INCENP: variants seen among roughly 807,000 people sequenced by gnomAD.
INCENP encodes binds and activates aurora-B and -C in vivo and in vitro.
In INCENP, 43 loss-of-function variants were observed where a neutral mutation model predicts 107.3. The ratio of observed to expected loss-of-function variants is 0.40; its 90% confidence interval spans 0.31 to 0.52. The LOEUF (loss-of-function observed/expected upper bound fraction) is 0.52, where lower values mean the gene tolerates loss of function less well. Ranked by LOEUF, INCENP falls within the 20% of genes least tolerant of loss-of-function variation. The pLI is 0.53. For synonymous variants in INCENP, 488 were observed against 494.4 expected (o/e 0.99, Z 0.17); for missense variants, 1,089 against 1,250.9 (o/e 0.87, Z 1.95).
chr11:62,130,179 T>A lies in INCENP; in HGVS notation c.652T>A (p.Ser218Thr), dbSNP rs774588060. Residue 218 changes from serine (S) to threonine (T), a missense_variant, in exon 4 of 19, where the codon TCA becomes ACA. Physicochemically the swap from Ser to Thr is moderately conservative, Grantham distance 58. Coordinates refer to ENST00000394818, the MANE Select transcript of INCENP (RefSeq NM_001040694.2). The part of the protein sequence containing the change: ...SQGIPTSDEE[S>T]TPKKSKARIL... ...GGGCATCCCGACATCAGATGAGGAA[T>A]CAACACCTAAGAAGTCGAAGGCCAG... is the stretch of plus-strand genomic sequence containing the variant. The A allele has an allele frequency of 1.2e-6, 2 of 1,613,872 alleles. No homozygotes were observed. The highest frequency in any genetic ancestry group is 1.7e-5 in the Admixed American group (1 of 60,008).
chr11:62,141,074 G>T (rs142105337), intron 10 of INCENP, 30 bp downstream of exon 10: 1 of 1,599,864 alleles, frequency 6.3e-7, no homozygotes, highest in Non-Finnish European at 8.5e-7. Flanking sequence ...GCCGGGCTTT[G>T]TGGGAGCTGG....
intron 4 of INCENP, among the ~76,000 whole-genome samples, chr11:62,134,794 G>C (rs1439605829): frequency 6.6e-6 from 1 of 152,216 alleles, no homozygotes; most frequent in African/African-American, 2.4e-5. Flanking sequence ...GCTCACACCT[G>C]TAATCCCAGC....
At chr11:62,142,796 G>A (rs895928744) in intron 11 of INCENP, among the ~76,000 whole-genome samples, 136 of 152,322 alleles carry the variant, frequency 8.9e-4, no homozygotes, top group African/African-American at 3.1e-3. Context: ...GGACTTGGCA[G>A]GTGGTCTGTT....
In INCENP at chr11:62,130,702, T is replaced by C. The variant is rs74744349; in HGVS notation, c.1063+112T>C. The C allele has an allele frequency of 0.026, 23,544 of 920,596 alleles. 512 individuals are homozygous for C. The highest frequency in any genetic ancestry group is 0.026 in the Non-Finnish European group (16,135 of 608,992). The allele number at this position is 920,596 out of a possible 1,614,324, so 57.0% of individuals were successfully genotyped here. A position where few individuals can be genotyped will look rare whatever the true frequency, so the allele number is the denominator to read the frequency against. On this transcript the variant is annotated intron_variant, in intron 4 of 18. Transcript: ENST00000394818. Reference sequence around the variant, plus strand: ...GTCCAGAGAGCTTTCTGCAGTGAGGTAGATGTTACACATCTGTGCTGTCCT... The same window carrying C: ...GTCCAGAGAGCTTTCTGCAGTGAGGCAGATGTTACACATCTGTGCTGTCCT...
intron 11 of INCENP, 22 bp from the exon 12 acceptor site, chr11:62,144,960 C>G (rs1944205791): frequency 2.2e-5 from 35 of 1,581,652 alleles, no homozygotes; most frequent in Non-Finnish European, 2.9e-5. Context: ...TGTCCCATCT[C>G]CCTCGCTCCC....
In INCENP at chr11:62,139,021, C is replaced by T. The variant is rs553036135; in HGVS notation, c.1291+16C>T. On this transcript the variant is annotated intron_variant, in intron 7 of 18. Coordinates refer to ENST00000394818, the MANE Select transcript of INCENP (RefSeq NM_001040694.2). ...GGGCAGCAAGGTGAGGCTTCCTGAC[C>T]TGCCGTGTGCAGTGCCCGGAGCCAC... The T allele has an allele frequency of 6.3e-7, 1 of 1,580,734 alleles. No homozygotes were observed. The highest frequency in any genetic ancestry group is 1.3e-5 in the African/African-American group (1 of 74,356).
chr11:62,136,558 G>A (rs1438035172), intron 4 of INCENP, among the ~76,000 whole-genome samples: 4 of 152,194 alleles, frequency 2.6e-5, no homozygotes, highest in Non-Finnish European at 4.4e-5. Flanking sequence ...GTACATGCCT[G>A]TAATTCCAGC....
At chr11:62,141,682 C>T in intron 11 of INCENP, 171 bp downstream of exon 11, 2 of 848,100 alleles carry the variant, frequency 2.4e-6, no homozygotes, top group Non-Finnish European at 2.0e-6. Context: ...AGGCGCCCAG[C>T]AGTTCTGGGC....
rs1184290855 is a variant in INCENP, at chr11:62,138,751, T to C, written c.1154T>C (p.Val385Ala). The C allele has an allele frequency of 6.2e-7, 1 of 1,614,082 alleles. No individual in the cohort carries two copies. ...QKEPPEEAEP[V>A]AAAEPEVPEN... is the part of the protein sequence containing the mutation. ...GAACCCCCCGAGGAGGCTGAGCCTG[T>C]GGCGGCAGCTGAGCCAGAGGTAAGA... The change falls in exon 6 of 19, where the codon GTG becomes GCG. Residue 385 changes from valine to alanine, a missense_variant. By Grantham distance (64) the Val-to-Ala change is moderately conservative. Coordinates refer to ENST00000394818, the MANE Select transcript of INCENP (RefSeq NM_001040694.2).
intron 1 of INCENP, among the ~76,000 whole-genome samples, chr11:62,127,366 G>A (rs1213366146): frequency 6.6e-6 from 1 of 152,186 alleles, no homozygotes; most frequent in East Asian, 1.9e-4. Context: ...TACCTGAGCT[G>A]CTAGTTTTAT....
At chr11:62,138,860 A>G (rs370727252) in intron 6 of INCENP, 28 bp from the exon 7 acceptor site, 233 of 1,605,128 alleles carry the variant, frequency 1.5e-4, no homozygotes, top group Non-Finnish European at 1.8e-4. Context: ...CCAGGTCAAG[A>G]CCCCTAAAGC....
chr11:62,128,012 C>A, intron 1 of INCENP, 139 bp from the exon 2 acceptor site: 1 of 739,778 alleles, frequency 1.4e-6, no homozygotes, highest in South Asian at 1.7e-5. Context: ...TGGGGAGTGG[C>A]TGTGAGCAGA....
chr11:62,127,010 A>G (rs1628349), intron 1 of INCENP, among the ~76,000 whole-genome samples: 125,922 of 151,526 alleles, frequency 0.83, 53,679 homozygotes, highest in Non-Finnish European at 0.95. Flanking sequence ...CCTTGCTTGA[A>G]GTTTTTGTAA....
chr11:62,145,761 C>T lies in INCENP; in HGVS notation c.1959+10C>T. Reference sequence around the variant, plus strand: ...CAGGTGGCTGCAGCAGGTGCGAGCACAGGTGGGCCTCAGGGAGGAGGTGGG... The same window carrying T: ...CAGGTGGCTGCAGCAGGTGCGAGCATAGGTGGGCCTCAGGGAGGAGGTGGG... On this transcript the variant is annotated intron_variant, in intron 14 of 18. Coordinates refer to ENST00000394818, the MANE Select transcript of INCENP (RefSeq NM_001040694.2). 6.5e-7 allele frequency: 1 copy of T among 1,550,050 alleles called. No individual in the cohort carries two copies. Among genetic ancestry groups the T allele is most frequent in the African/African-American group, 1.4e-5 (1 of 73,244 alleles).
chr11:62,146,603 C>T, intron 14 of INCENP, 55 bp from the exon 15 acceptor site: 2 of 1,544,716 alleles, frequency 1.3e-6, no homozygotes, highest in Non-Finnish European at 1.7e-6. Flanking sequence ...GGGCTGCTGT[C>T]CTGCCTCTCT....
At chr11:62,136,939 A>G (rs1944005919) in intron 4 of INCENP, among the ~76,000 whole-genome samples, 1 of 152,236 alleles carries the variant, frequency 6.6e-6, no homozygotes, top group Admixed American at 6.5e-5. Context: ...TGGATCCCCC[A>G]TGGGTCTCAA....
chr11:62,151,148 G>C (rs540153990), intron 18 of INCENP, among the ~76,000 whole-genome samples: 5 of 152,342 alleles, frequency 3.3e-5, no homozygotes, highest in African/African-American at 1.2e-4. Flanking sequence ...ACAAGACCCA[G>C]CTGAGGAGTT....
intron 11 of INCENP, among the ~76,000 whole-genome samples, chr11:62,142,427 T>G (rs182328881): frequency 2.6e-5 from 4 of 152,332 alleles, no homozygotes; most frequent in Non-Finnish European, 5.9e-5. Flanking sequence ...CCTGCAGGTC[T>G]CACAGGGTGA....
At chr11:62,140,633 G>C (rs1383005501) in intron 8 of INCENP, 71 bp from the exon 9 acceptor site, 43 of 1,314,476 alleles carry the variant, frequency 3.3e-5, no homozygotes, top group Non-Finnish European at 4.3e-5. Flanking sequence ...TGTTCACCGG[G>C]GTGACTTTTG....
Sources: gnomAD v4.1 joint callset for allele counts (sites outside exome capture counted in the v4.1 genomes callset) on GRCh38, gnomAD v4.1.1 for gene constraint, MANE v1.5 for transcripts, NCBI Gene and HGNC (gene_info 2026-07-23, HGNC 2026-07-21) for gene names.